FABP7: variants seen among roughly 807,000 people sequenced by gnomAD.
FABP7 encodes fatty acid binding protein 7, also known as fatty acid-binding protein, brain.
FABP7 carries 13 observed loss-of-function variants against 14.2 expected under a neutral mutation model. That is an observed-to-expected ratio of 0.91 (90% confidence interval 0.59 to 1.45). FABP7 has a LOEUF of 1.45. FABP7 is among the 40% of genes most tolerant of loss of function. The pLI is 0.00. For synonymous variants in FABP7, 49 were observed against 51.4 expected (o/e 0.95, Z 0.20); for missense variants, 149 against 157.6 (o/e 0.95, Z 0.29).
chr6:122,783,418 T>A (rs1376306274), intron 3 of FABP7: 1 of 984,836 alleles, frequency 1.0e-6, no homozygotes, highest in African/African-American at 1.7e-5. Flanking sequence ...GAAAACAACG[T>A]AGACACTCCA....
At chr6:122,754,214 G>A in the FABP7 span, among the ~76,000 whole-genome samples, 1 of 151,970 alleles carries the variant, frequency 6.6e-6, no homozygotes, top group Non-Finnish European at 1.5e-5. Context: ...TCCACAAAGT[G>A]GTTTCTGCCT....
At chr6:122,756,989 T>C in the FABP7 span, among the ~76,000 whole-genome samples, 1 of 152,352 alleles carries the variant, frequency 6.6e-6, no homozygotes, top group East Asian at 1.9e-4. Flanking sequence ...GAATCACTTC[T>C]TTGCACTGTC....
chr6:122,763,715 C>A, the FABP7 span, among the ~76,000 whole-genome samples: 1 of 152,264 alleles, frequency 6.6e-6, no homozygotes, highest in East Asian at 1.9e-4. Flanking sequence ...ACAACCCCAT[C>A]AACAAGTGGG....
intron 2 of FABP7, 123 bp from the exon 3 acceptor site, chr6:122,780,970 T>C (rs1171644567): frequency 2.6e-6 from 3 of 1,141,660 alleles, no homozygotes; most frequent in Non-Finnish European, 2.4e-6. Flanking sequence ...GAAATAACAA[T>C]AGGATAATTA....
chr6:122,770,420 C>T, the FABP7 span, among the ~76,000 whole-genome samples: 1 of 152,078 alleles, frequency 6.6e-6, no homozygotes, highest in Non-Finnish European at 1.5e-5. Context: ...AGTCACACAC[C>T]ATTTCCACGA....
At chr6:122,764,715 A>G in the FABP7 span, among the ~76,000 whole-genome samples, 2 of 152,096 alleles carry the variant, frequency 1.3e-5, no homozygotes, top group Non-Finnish European at 2.9e-5. Context: ...TTCCCTGCCC[A>G]CATGCAAGAC....
At chr6:122,781,254 C>T in intron 3 of FABP7, 60 bp downstream of exon 3, 1 of 1,578,106 alleles carries the variant, frequency 6.3e-7, no homozygotes, top group South Asian at 1.1e-5. Context: ...ACACCTCTCA[C>T]CTCCTTCCTT....
Position 122,781,148 on chromosome 6 carries a change from A to G in FABP7, c.302A>G (p.Lys101Arg), listed in dbSNP as rs778018276. ...GTTCACATACAGAAATGGGATGGCA[A>G]AGAAACAAATTTTGTAAGAGAAATT... ...KLVHIQKWDG[K>R]ETNFVREIKD... Residue 101 changes from lysine to arginine, a missense_variant, in exon 3 of 4, where the codon AAA (lysine) becomes AGA (arginine). Transcript: ENST00000368444. 6 of 1,613,968 alleles carry G rather than the reference A, an allele frequency of 3.7e-6. No homozygotes were observed. In the South Asian group the frequency reaches 4.4e-5, roughly 12 times the overall value.
chr6:122,750,981 A>G, the FABP7 span, among the ~76,000 whole-genome samples: 6 of 152,200 alleles, frequency 3.9e-5, no homozygotes, highest in African/African-American at 1.4e-4. Flanking sequence ...GCTGGTTTAT[A>G]TATCACCTCA....
the FABP7 span, among the ~76,000 whole-genome samples, chr6:122,773,122 T>C: frequency 1.3e-5 from 2 of 152,200 alleles, no homozygotes; most frequent in African/African-American, 4.8e-5. Flanking sequence ...AAGGCAGGCA[T>C]CTGGTTGCAG....
chr6:122,763,665 T>G, the FABP7 span, among the ~76,000 whole-genome samples: 4 of 152,046 alleles, frequency 2.6e-5, no homozygotes, highest in African/African-American at 9.7e-5. Context: ...ATATCCAGAA[T>G]CTACAAGGAA....
At chr6:122,764,328 A>G in the FABP7 span, among the ~76,000 whole-genome samples, 1 of 152,206 alleles carries the variant, frequency 6.6e-6, no homozygotes, top group Admixed American at 6.5e-5. Context: ...TATAGGTGGG[A>G]ATTGAACAAT....
chr6:122,754,850 A>C, the FABP7 span, among the ~76,000 whole-genome samples: 1 of 152,054 alleles, frequency 6.6e-6, no homozygotes, highest in Non-Finnish European at 1.5e-5. Context: ...GCACCCACAC[A>C]GAAGATCTAT....
At chr6:122,750,242 C>T in the FABP7 span, among the ~76,000 whole-genome samples, 1 of 151,674 alleles carries the variant, frequency 6.6e-6, no homozygotes, top group Non-Finnish European at 1.5e-5. Flanking sequence ...TTTTAATTTG[C>T]TTTTTTGATG....
At chr6:122,749,923 C>T in the FABP7 span, among the ~76,000 whole-genome samples, 4 of 152,160 alleles carry the variant, frequency 2.6e-5, no homozygotes, top group Non-Finnish European at 5.9e-5. Flanking sequence ...ATGACATTCA[C>T]AACAGTTGCA....
the FABP7 span, among the ~76,000 whole-genome samples, chr6:122,763,596 A>G: frequency 6.6e-6 from 1 of 152,222 alleles, no homozygotes; most frequent in African/African-American, 2.4e-5. Flanking sequence ...ATCAGAGTGA[A>G]CAGCCAACCT....
chr6:122,751,778 A>G, the FABP7 span, among the ~76,000 whole-genome samples: 2 of 152,120 alleles, frequency 1.3e-5, no homozygotes, highest in South Asian at 2.1e-4. Context: ...CACCTATTTC[A>G]GCACTCAGCC....
the FABP7 span, among the ~76,000 whole-genome samples, chr6:122,772,811 C>A: frequency 8.5e-5 from 13 of 152,300 alleles, 1 homozygote; most frequent in East Asian, 1.7e-3. Flanking sequence ...CACACCTCTT[C>A]ACACCATCAA....
the FABP7 span, among the ~76,000 whole-genome samples, chr6:122,770,550 G>A: frequency 3.9e-4 from 59 of 152,212 alleles, no homozygotes; most frequent in African/African-American, 1.4e-3. Context: ...AGACTGGAAT[G>A]TACTAGTTTA....
Sources: gnomAD v4.1 joint callset for allele counts (sites outside exome capture counted in the v4.1 genomes callset) on GRCh38, gnomAD v4.1.1 for gene constraint, MANE v1.5 for transcripts, NCBI Gene and HGNC (gene_info 2026-07-23, HGNC 2026-07-21) for gene names.